The following TMEM273 variants were observed in gnomAD, a reference collection of about 807,000 sequenced individuals.
The protein encoded by TMEM273 is transmembrane protein 273, also known as chromosome 10 open reading frame 128.
A neutral mutation model predicts 17.9 loss-of-function variants in TMEM273; 19 were observed. That is an observed-to-expected ratio of 1.06 (90% CI 0.74 to 1.55). TMEM273 has a LOEUF of 1.55. Among genes scored for constraint, TMEM273 ranks in the 40% most tolerant of loss-of-function variants. TMEM273 has a pLI of 0.00. For synonymous variants in TMEM273, 66 were observed against 62.0 expected (o/e 1.07, Z -0.31); for missense variants, 194 against 155.6 (o/e 1.25, Z -1.31).
At position 49,166,920 on chromosome 10, in the gene TMEM273, A is replaced by G. The variant is rs1382311068; in HGVS notation, c.187T>C (p.Leu63=). The G allele has an allele frequency of 1.9e-6, 3 of 1,614,150 alleles. No individual in the cohort carries two copies. Among genetic ancestry groups the G allele is most frequent in the Non-Finnish European group, 1.7e-6 (2 of 1,180,022 alleles). The part of the protein sequence containing the change: ...ALKICMIRRH[L]FDDDSSDLKS... ...AGGTCGGAAGAGTCGTCGTCAAATAAGTGCCTCCTGATCATGCAGATCTTC... is the reference window on the plus strand; with the variant it reads ...AGGTCGGAAGAGTCGTCGTCAAATAGGTGCCTCCTGATCATGCAGATCTTC... Residue 63 remains leucine, a synonymous_variant, in exon 3 of 7, where the codon TTA becomes CTA. Coordinates refer to ENST00000374153, the MANE Select transcript of TMEM273 (RefSeq NM_001288740.3).
intron 5 of TMEM273, among the ~76,000 whole-genome samples, chr10:49,164,240 G>T (rs898302585): frequency 8.5e-5 from 13 of 152,170 alleles, no homozygotes; most frequent in Admixed American, 5.2e-4. Flanking sequence ...CCTGCTCAGA[G>T]AAAACTCTGA....
chr10:49,170,328 T>C (rs1015137940), intron 1 of TMEM273, among the ~76,000 whole-genome samples: 8 of 152,238 alleles, frequency 5.3e-5, no homozygotes, highest in Non-Finnish European at 8.8e-5. Context: ...CGCCAGGCTG[T>C]CCTGCATCCT....
At chr10:49,183,554 T>A (rs1847483845) in intron 1 of TMEM273, among the ~76,000 whole-genome samples, 1 of 152,238 alleles carries the variant, frequency 6.6e-6, no homozygotes. Flanking sequence ...ACTTCAGTTT[T>A]TTCAATGTCC....
At chr10:49,166,692 G>A (rs1846204744) in intron 3 of TMEM273, 177 bp downstream of exon 3, 1 of 857,090 alleles carries the variant, frequency 1.2e-6, no homozygotes, top group Non-Finnish European at 1.8e-6. Flanking sequence ...AGAAGAAAGA[G>A]AAACAGAGGC....
chr10:49,161,520 T>G (rs767302154), intron 6 of TMEM273, 79 bp downstream of exon 6: 4 of 1,594,172 alleles, frequency 2.5e-6, no homozygotes. Context: ...GGAGAGGTCA[T>G]GCCGAAAACC....
Position 49,161,610 on chromosome 10 carries a change from A to G in TMEM273, c.361T>C (p.Phe121Leu). ...MEGLFKAKPQFLQKRCTGD is the reference protein window; with the variant it reads ...MEGLFKAKPQLLQKRCTGD ...CTCTTACAACTCACCTTTTGGAGAAATTGTGGTTTCGCCTGCAAAACAAGA... is the reference window on the plus strand; with the variant it reads ...CTCTTACAACTCACCTTTTGGAGAAGTTGTGGTTTCGCCTGCAAAACAAGA... Residue 121 changes from phenylalanine to leucine, a missense_variant, in exon 6 of 7, where the codon TTT becomes CTT. Transcript: ENST00000374153. 1 of 1,614,222 alleles carries G rather than the reference A, an allele frequency of 6.2e-7. No homozygotes were observed. Among genetic ancestry groups the G allele is most frequent in the Non-Finnish European group, 8.5e-7 (1 of 1,180,034 alleles).
chr10:49,177,967 A>G (rs917462309), intron 1 of TMEM273, among the ~76,000 whole-genome samples: 2 of 152,146 alleles, frequency 1.3e-5, no homozygotes, highest in Non-Finnish European at 2.9e-5. Context: ...GGGCCTCAGA[A>G]GCCAACATGA....
chr10:49,158,574 C>T (rs1200195780), intron 6 of TMEM273, among the ~76,000 whole-genome samples: 1 of 152,192 alleles, frequency 6.6e-6, no homozygotes, highest in Non-Finnish European at 1.5e-5. Context: ...AGGGAACCAG[C>T]CCCACCAGAA....
At chr10:49,173,522 T>C (rs1483639734) in intron 1 of TMEM273, among the ~76,000 whole-genome samples, 1 of 152,184 alleles carries the variant, frequency 6.6e-6, no homozygotes, top group Non-Finnish European at 1.5e-5. Flanking sequence ...TATTTATCCT[T>C]CAAAGCCACT....
intron 1 of TMEM273, among the ~76,000 whole-genome samples, chr10:49,180,283 G>A (rs1847263804): frequency 6.6e-6 from 1 of 152,196 alleles, no homozygotes; most frequent in Admixed American, 6.5e-5. Flanking sequence ...CTGTCTGCAA[G>A]TGCTAAAGGG....
At chr10:49,156,086 G>C in intron 6 of TMEM273, 177 bp from the exon 7 acceptor site, 1 of 1,543,776 alleles carries the variant, frequency 6.5e-7, no homozygotes, top group African/African-American at 1.4e-5. Flanking sequence ...GTGGCTTCTG[G>C]GTAAAGGGGA....
intron 6 of TMEM273, among the ~76,000 whole-genome samples, chr10:49,157,471 T>C (rs1476081110): frequency 6.6e-6 from 1 of 152,004 alleles, no homozygotes; most frequent in African/African-American, 2.4e-5. Context: ...TTTGACCACA[T>C]CCTCCAAGAA....
At position 49,155,823 on chromosome 10, in the gene TMEM273, T is replaced by C. The variant is rs1845473147; in HGVS notation, c.*69A>G. On this transcript the variant is annotated 3_prime_UTR_variant, in exon 7 of 7. Coordinates refer to ENST00000374153, the MANE Select transcript of TMEM273 (RefSeq NM_001288740.3). ...TTGGGTGTTTGAATGCAGAACATCC[T>C]GAGATGTTAACCATGGGCTGTTTTC... The C allele has an allele frequency of 6.3e-7, 1 of 1,588,512 alleles. No individual in the cohort carries two copies. Among genetic ancestry groups the C allele is most frequent in the Non-Finnish European group, 8.6e-7 (1 of 1,156,924 alleles).
In TMEM273 at chr10:49,167,917, G is replaced by A. The variant is rs1846301130; in HGVS notation, c.89C>T (p.Ala30Val). The A allele has an allele frequency of 6.2e-7, 1 of 1,613,862 alleles. No individual in the cohort carries two copies. The highest frequency in any genetic ancestry group is 1.3e-5 in the African/African-American group (1 of 74,886). ...QVLATGKTPG[A>V]EIDFKYALIG... The stretch of plus-strand genomic sequence containing the variant: ...CATGGGCAGCCACGTACCAATTTCA[G>A]CCCCAGGGGTCTTGCCTGTTGCCAG... Residue 30 changes from alanine (A) to valine (V), a missense_variant, in exon 2 of 7, where the codon GCT (alanine) becomes GTT (valine). Physicochemically the swap from Ala to Val is moderately conservative, Grantham distance 64. Coordinates refer to ENST00000374153, the MANE Select transcript of TMEM273 (RefSeq NM_001288740.3).
intron 6 of TMEM273, chr10:49,160,781 C>T (rs1845794313): frequency 6.6e-6 from 1 of 152,160 alleles, no homozygotes. Flanking sequence ...CTTATGTACA[C>T]AGAGATAAAG....
rs186057141 is a variant in TMEM273, at chr10:49,158,549, C to T, written c.373-2640G>A. ...AATGTCCCCTGCAAAGGAAGCACAA[C>T]GTGTGTGCGGGTGGAGGGAACCAGC... On this transcript the variant is annotated intron_variant, in intron 6 of 6. Transcript: ENST00000374153. 3.2e-3 allele frequency among the ~76,000 whole-genome samples: 487 copies of T among 152,268 alleles called. 3 individuals are homozygous for T. Among genetic ancestry groups the T allele is most frequent in the African/African-American group, 0.011 (449 of 41,542 alleles).
At chr10:49,184,202 T>C (rs995696068) in intron 1 of TMEM273, among the ~76,000 whole-genome samples, 5 of 152,110 alleles carry the variant, frequency 3.3e-5, no homozygotes, top group African/African-American at 1.2e-4. Context: ...TCCAAATAAA[T>C]TAAAGACCTA....
intron 1 of TMEM273, among the ~76,000 whole-genome samples, chr10:49,175,850 G>A (rs7918613): frequency 6.8e-4 from 104 of 152,320 alleles, no homozygotes; most frequent in Middle Eastern, 3.4e-3. Context: ...TGAGGCTGTC[G>A]TGGTTGGGTG....
intron 1 of TMEM273, among the ~76,000 whole-genome samples, chr10:49,169,415 GCT>G: frequency 6.6e-6 from 1 of 152,292 alleles, no homozygotes. Flanking sequence ...GGACAGCTTT[GCT>G]CTGTGTGTGT....
Sources: gnomAD v4.1 joint callset for allele counts (sites outside exome capture counted in the v4.1 genomes callset) on GRCh38, gnomAD v4.1.1 for gene constraint, MANE v1.5 for transcripts, NCBI Gene and HGNC (gene_info 2026-07-23, HGNC 2026-07-21) for gene names.